Variants in DCC observed in about 807,000 individuals in gnomAD.
DCC encodes DCC netrin 1 receptor.
Under a neutral mutation model 172.5 loss-of-function variants are expected in DCC, and 58 were observed. The observed-to-expected ratio is 0.34, with a 90% CI of 0.27 to 0.42. The LOEUF is 0.42. Among genes scored for constraint, DCC ranks in the 10% least tolerant of loss-of-function variants. The probability of loss-of-function intolerance (pLI) is 1.00; values close to 1 mark genes in which losing one functional copy is unlikely to be tolerated. For missense variants in DCC, 1,740 were observed against 1,791.0 expected (o/e 0.97, Z 0.51); for synonymous variants, 709 against 644.5 (o/e 1.10, Z -1.52).
At chr18:52,645,205 CAG>C (rs1329466171) in intron 1 of DCC, among the ~76,000 whole-genome samples, 3 of 152,040 alleles carry the variant, frequency 2.0e-5, no homozygotes, top group African/African-American at 4.8e-5. Flanking sequence ...TGATGAAAAA[CAG>C]AGTATTATAA....
At chr18:53,172,501 A>C (rs1391100734) in intron 8 of DCC, among the ~76,000 whole-genome samples, 2 of 152,180 alleles carry the variant, frequency 1.3e-5, no homozygotes, top group Non-Finnish European at 2.9e-5. Flanking sequence ...ATACAGAATA[A>C]TACCTGTTCA....
intron 5 of DCC, among the ~76,000 whole-genome samples, chr18:53,029,797 G>A (rs1428523017): frequency 1.3e-5 from 2 of 152,162 alleles, no homozygotes; most frequent in African/African-American, 4.8e-5. Flanking sequence ...TGTGTGTGGA[G>A]AGAGCCTATT....
At chr18:53,354,821 T>G (rs867173014) in intron 15 of DCC, among the ~76,000 whole-genome samples, 7 of 133,946 alleles carry the variant, frequency 5.2e-5, no homozygotes, top group African/African-American at 1.8e-4. Context: ...AACTAAAACT[T>G]TTGGTGTTTT....
intron 5 of DCC, among the ~76,000 whole-genome samples, chr18:52,955,972 T>C (rs978859707): frequency 3.9e-5 from 6 of 151,982 alleles, no homozygotes; most frequent in Non-Finnish European, 8.8e-5. Flanking sequence ...TTTTTTTTTT[T>C]AAATCAGTTG....
chr18:52,550,800 T>A (rs1376465550), intron 1 of DCC, among the ~76,000 whole-genome samples: 1 of 152,118 alleles, frequency 6.6e-6, no homozygotes, highest in Non-Finnish European at 1.5e-5. Flanking sequence ...AGATGCACTA[T>A]ACTAGTGTAA....
intron 12 of DCC, among the ~76,000 whole-genome samples, chr18:53,290,128 G>A (rs2056984320): frequency 6.6e-6 from 1 of 152,194 alleles, no homozygotes; most frequent in South Asian, 2.1e-4. Flanking sequence ...TGGTTTGGAT[G>A]TAAAGTGTAA....
intron 7 of DCC, among the ~76,000 whole-genome samples, chr18:53,123,247 T>C (rs1202917393): frequency 6.6e-6 from 1 of 152,034 alleles, no homozygotes; most frequent in Non-Finnish European, 1.5e-5. Context: ...ACATTTGAGT[T>C]GAGATCTAAA....
chr18:53,062,346 A>G (rs992793893), intron 5 of DCC, among the ~76,000 whole-genome samples: 3 of 151,994 alleles, frequency 2.0e-5, no homozygotes, highest in Non-Finnish European at 2.9e-5. Flanking sequence ...AGCACTCATC[A>G]CTCACTGAGC....
At chr18:52,420,515 A>G (rs1987211859) in intron 1 of DCC, among the ~76,000 whole-genome samples, 1 of 152,154 alleles carries the variant, frequency 6.6e-6, no homozygotes, top group South Asian at 2.1e-4. Context: ...ATTTTGGGGC[A>G]CCTTCCTGGG....
chr18:53,431,657 G>T (rs185245881), intron 21 of DCC, among the ~76,000 whole-genome samples: 2 of 151,920 alleles, frequency 1.3e-5, no homozygotes, highest in African/African-American at 4.8e-5. Flanking sequence ...GCTAATTTTC[G>T]TATTTTTAGT....
intron 1 of DCC, among the ~76,000 whole-genome samples, chr18:52,685,404 T>C (rs936272333): frequency 2.0e-5 from 3 of 152,134 alleles, no homozygotes; most frequent in Admixed American, 2.0e-4. Flanking sequence ...TATTGAGCCC[T>C]GCTATGTTTT....
rs1772240954 is a variant in DCC at position 52,735,540 on chromosome 18, T to C, written c.92-16514T>C. 3.3e-5 allele frequency among the ~76,000 whole-genome samples: 5 copies of C among 151,934 alleles called. No homozygotes were observed. The South Asian group carries it at 6.2e-4, about 19-fold the overall frequency. On this transcript the variant is annotated intron_variant, in intron 1 of 28. Transcript: ENST00000442544. ...GGAAGCCAGTCTGAGTCCCAAAACC[T>C]CCAAAAGTAGGGAAGCTGAGAGTGC...
intron 1 of DCC, among the ~76,000 whole-genome samples, chr18:52,519,406 C>T (rs2339347): frequency 1.5e-5 from 2 of 135,070 alleles, no homozygotes; most frequent in African/African-American, 2.5e-5. Flanking sequence ...ATAAGAGCCC[C>T]AGGGAATGGA....
chr18:53,081,612 T>A (rs1010008296), intron 7 of DCC, among the ~76,000 whole-genome samples: 2 of 152,094 alleles, frequency 1.3e-5, no homozygotes, highest in Non-Finnish European at 2.9e-5. Flanking sequence ...ATTTAAACAT[T>A]AATTATTTAG....
chr18:53,410,350 TATA>T (rs1909907459), intron 19 of DCC, 99 bp from the exon 20 acceptor site: 1 of 774,344 alleles, frequency 1.3e-6, no homozygotes. Context: ...ATTGTGGACA[TATA>T]ATAATTATTG....
At chr18:53,075,286 G>A (rs1281367799) in intron 7 of DCC, among the ~76,000 whole-genome samples, 1 of 152,186 alleles carries the variant, frequency 6.6e-6, no homozygotes, top group Non-Finnish European at 1.5e-5. Flanking sequence ...TATGTAGGCA[G>A]AGGTTTCTCA....
chr18:52,715,162 T>C (rs2036356557), intron 1 of DCC, among the ~76,000 whole-genome samples: 1 of 152,002 alleles, frequency 6.6e-6, no homozygotes. Flanking sequence ...TACCAATGAT[T>C]CTCAAAACTC....
At chr18:53,414,233 G>C (rs1162832319) in intron 20 of DCC, among the ~76,000 whole-genome samples, 2 of 152,120 alleles carry the variant, frequency 1.3e-5, no homozygotes, top group Non-Finnish European at 2.9e-5. Context: ...GCCCATCAGA[G>C]AGTGTCAAGA....
chr18:52,396,103 G>A (rs1986216713), intron 1 of DCC, among the ~76,000 whole-genome samples: 1 of 152,034 alleles, frequency 6.6e-6, no homozygotes, highest in Non-Finnish European at 1.5e-5. Context: ...TACTGACGCT[G>A]ATGGGTTGTA....
Sources: gnomAD v4.1 joint callset for allele counts (sites outside exome capture counted in the v4.1 genomes callset) on GRCh38, gnomAD v4.1.1 for gene constraint, MANE v1.5 for transcripts, NCBI Gene and HGNC (gene_info 2026-07-23, HGNC 2026-07-21) for gene names.